Variants in UBE2L3 observed in about 807,000 individuals in gnomAD.
UBE2L3 encodes the protein ubiquitin-conjugating enzyme E2 L3.
In UBE2L3, 1 loss-of-function variant was observed where a neutral mutation model predicts 17.8. The observed-to-expected ratio is 0.06, with a 90% CI of 0.02 to 0.27. The LOEUF is 0.27. Ranked by LOEUF, UBE2L3 falls within the 10% of genes least tolerant of loss-of-function variation. UBE2L3 has a pLI of 1.00. For synonymous variants in UBE2L3, 44 were observed against 68.5 expected (o/e 0.64, Z 1.76); for missense variants, 40 against 192.6 (o/e 0.21, Z 4.69).
At chr22:21,608,965 A>G (rs1262040133) in intron 2 of UBE2L3, among the ~76,000 whole-genome samples, 3 of 150,136 alleles carry the variant, frequency 2.0e-5, no homozygotes, top group East Asian at 2.0e-4. Flanking sequence ...CGCAATCTCC[A>G]CTCACTGCAA....
At chr22:21,568,760 A>G (rs1311578528) in intron 1 of UBE2L3, among the ~76,000 whole-genome samples, 1 of 152,128 alleles carries the variant, frequency 6.6e-6, no homozygotes, top group East Asian at 1.9e-4. Context: ...CCCAGGAGCC[A>G]GTTTCCTGAG....
chr22:21,571,633 C>T (rs1380533976), intron 1 of UBE2L3, among the ~76,000 whole-genome samples: 1 of 152,166 alleles, frequency 6.6e-6, no homozygotes, highest in Non-Finnish European at 1.5e-5. Context: ...AACTCCTAAC[C>T]TCAGGTGATC....
At chr22:21,609,189 G>A (rs961198403) in intron 2 of UBE2L3, among the ~76,000 whole-genome samples, 32 of 151,898 alleles carry the variant, frequency 2.1e-4, no homozygotes, top group Non-Finnish European at 3.4e-4. Flanking sequence ...GAGCCACCGC[G>A]CCCGGCCGGC....
At chr22:21,614,310 C>T (rs1929653737) in intron 3 of UBE2L3, among the ~76,000 whole-genome samples, 1 of 152,160 alleles carries the variant, frequency 6.6e-6, no homozygotes, top group South Asian at 2.1e-4. Flanking sequence ...CCACCTGAGG[C>T]CGGGCACAGT....
At chr22:21,588,602 C>G (rs1928080496) in intron 1 of UBE2L3, among the ~76,000 whole-genome samples, 2 of 151,600 alleles carry the variant, frequency 1.3e-5, no homozygotes, top group South Asian at 2.1e-4. Flanking sequence ...CTCTCAGCCT[C>G]CCAAGTAGCT....
chr22:21,563,933 G>A (rs1264964926), upstream of UBE2L3, among the ~76,000 whole-genome samples: 3 of 151,458 alleles, frequency 2.0e-5, no homozygotes. Flanking sequence ...CTTGAACTCC[G>A]GGCCTCAAGT....
chr22:21,595,421 A>G (rs980688879), intron 2 of UBE2L3, among the ~76,000 whole-genome samples: 2 of 152,176 alleles, frequency 1.3e-5, no homozygotes, highest in Admixed American at 6.5e-5. Context: ...GGAATCTACT[A>G]TACAAACTCA....
rs1273672328 is a variant in UBE2L3, at chr22:21,567,714, A to C, written c.-31A>C. On this transcript the variant is annotated 5_prime_UTR_variant, in exon 1 of 4. Coordinates refer to ENST00000342192, the MANE Select transcript of UBE2L3 (RefSeq NM_003347.4). ...CCAGCCGCCCGGCCGGCCGCGATGC[A>C]TTCTGGGGAAGGAGCAGCACCAAAT... The C allele has an allele frequency of 6.4e-7, 1 of 1,574,388 alleles. No individual in the cohort carries two copies. The highest frequency in any genetic ancestry group is 8.6e-7 in the Non-Finnish European group (1 of 1,161,194).
At chr22:21,601,302 T>G (rs972292685) in intron 2 of UBE2L3, among the ~76,000 whole-genome samples, 2 of 151,820 alleles carry the variant, frequency 1.3e-5, no homozygotes, top group Non-Finnish European at 2.9e-5. Flanking sequence ...TAAACTTAAC[T>G]CTTTTGGGTT....
chr22:21,582,145 A>AAC (rs1483477155), intron 1 of UBE2L3, among the ~76,000 whole-genome samples: 1 of 140,254 alleles, frequency 7.1e-6, no homozygotes, highest in African/African-American at 2.7e-5. Context: ...AAAACAAACA[A>AAC]AAAAAAAAAC....
chr22:21,620,217 A>G (rs1425161568), intron 3 of UBE2L3, among the ~76,000 whole-genome samples: 2 of 151,984 alleles, frequency 1.3e-5, no homozygotes, highest in Non-Finnish European at 2.9e-5. Context: ...AGCCCAGGAG[A>G]TAAGACTGCA....
intron 1 of UBE2L3, among the ~76,000 whole-genome samples, chr22:21,561,010 G>A (rs867101817): frequency 1.3e-5 from 2 of 152,258 alleles, no homozygotes; most frequent in South Asian, 2.1e-4. Context: ...GGAAGGAAAA[G>A]AGAGAAGAAG....
upstream of UBE2L3, among the ~76,000 whole-genome samples, chr22:21,563,988 G>T (rs1325193438): frequency 6.6e-6 from 1 of 151,678 alleles, no homozygotes; most frequent in Non-Finnish European, 1.5e-5. Flanking sequence ...TTATAGGTGT[G>T]AGACTGTACG....
At chr22:21,570,124 T>G (rs1247667990) in intron 1 of UBE2L3, among the ~76,000 whole-genome samples, 1 of 152,192 alleles carries the variant, frequency 6.6e-6, no homozygotes, top group Non-Finnish European at 1.5e-5. Context: ...TTTGAGCACT[T>G]GTCACAATCT....
intron 2 of UBE2L3, among the ~76,000 whole-genome samples, chr22:21,605,625 C>A (rs1929118047): frequency 2.0e-5 from 3 of 152,196 alleles, no homozygotes; most frequent in Non-Finnish European, 4.4e-5. Context: ...CCTGCCTCAG[C>A]CTCCCAAGTA....
Position 21,602,499 on chromosome 22 carries a change from G to C in UBE2L3, c.124-8358G>C, listed in dbSNP as rs34744756. 1.4e-3 allele frequency among the ~76,000 whole-genome samples: 219 copies of C among 152,280 alleles called. 4 individuals carry two copies. Among genetic ancestry groups the C allele is most frequent in the Non-Finnish European group, 2.8e-3 (193 of 68,022 alleles). On this transcript the variant is annotated intron_variant, in intron 2 of 3. Coordinates refer to ENST00000342192, the MANE Select transcript of UBE2L3 (RefSeq NM_003347.4). ...GACTTCTGTGGGATGAAGGACTCTG[G>C]GTCTTTACTTGGGAAGGGAAAACAT...
At chr22:21,588,644 T>A (rs2148418407) in intron 1 of UBE2L3, among the ~76,000 whole-genome samples, 1 of 151,728 alleles carries the variant, frequency 6.6e-6, no homozygotes, top group Non-Finnish European at 1.5e-5. Flanking sequence ...CATGCCTGGC[T>A]ACTTTTTTTT....
At chr22:21,567,186 C>T (rs904863449), upstream of UBE2L3, among the ~76,000 whole-genome samples, 7 of 151,830 alleles carry the variant, frequency 4.6e-5, no homozygotes, top group African/African-American at 1.7e-4. Flanking sequence ...TCCCCCAAGA[C>T]GGAGTCTTCC....
intron 1 of UBE2L3, 144 bp downstream of exon 1, chr22:21,567,915 C>T: frequency 6.7e-7 from 1 of 1,499,686 alleles, no homozygotes; most frequent in Non-Finnish European, 8.9e-7. Flanking sequence ...CGCGCGCAGG[C>T]TCAAGGTGCT....
Sources: allele counts gnomAD v4.1 joint callset (sites outside exome capture counted in the v4.1 genomes callset), GRCh38; gene constraint gnomAD v4.1.1; transcripts MANE v1.5; gene names NCBI Gene and HGNC (gene_info 2026-07-23, HGNC 2026-07-21).